TRPC1: variants seen among roughly 807,000 people sequenced by gnomAD.
TRPC1 encodes the protein transient receptor potential cation channel subfamily C member 1, also known as short transient receptor potential channel 1.
A neutral mutation model predicts 88.2 loss-of-function variants in TRPC1; 42 were observed. The ratio of observed to expected loss-of-function variants is 0.48; its 90% CI spans 0.37 to 0.62. TRPC1 has a LOEUF of 0.62. Among genes scored for constraint, TRPC1 ranks in the 20% least tolerant of loss-of-function variants. TRPC1 has a pLI of 0.00. For synonymous variants in TRPC1, 288 were observed against 331.8 expected, an observed-to-expected ratio of 0.87 and a Z score of 1.43; for missense variants, 699 against 957.3, an observed-to-expected ratio of 0.73 and a Z score of 3.56.
intron 3 of TRPC1, among the ~76,000 whole-genome samples, chr3:142,746,882 T>G (rs899964504): frequency 9.2e-5 from 14 of 152,000 alleles, no homozygotes; most frequent in Non-Finnish European, 2.9e-5. Flanking sequence ...GTCATGGCCT[T>G]TAGACCCATA....
chr3:142,787,883 G>A (rs2108132567), intron 7 of TRPC1, among the ~76,000 whole-genome samples: 1 of 152,272 alleles, frequency 6.6e-6, no homozygotes, highest in East Asian at 1.9e-4. Flanking sequence ...ATAAATAGAT[G>A]TCAACTGAGA....
intron 9 of TRPC1, among the ~76,000 whole-genome samples, chr3:142,797,324 C>A (rs1336169672): frequency 6.6e-6 from 1 of 151,936 alleles, no homozygotes; most frequent in African/African-American, 2.4e-5. Flanking sequence ...CTAGGGAAAT[C>A]TGCCGTATCA....
At chr3:142,787,574 GA>G (rs1215718556) in intron 7 of TRPC1, among the ~76,000 whole-genome samples, 1 of 152,180 alleles carries the variant, frequency 6.6e-6, no homozygotes, top group Admixed American at 6.5e-5. Flanking sequence ...AAACATAATA[GA>G]ATGGCTATTA....
At chr3:142,803,181 G>A (rs1357008439) in intron 10 of TRPC1, among the ~76,000 whole-genome samples, 1 of 152,168 alleles carries the variant, frequency 6.6e-6, no homozygotes, top group African/African-American at 2.4e-5. Flanking sequence ...GTGTCTGTGT[G>A]TCAGAGTTCA....
chr3:142,743,664 C>A, intron 3 of TRPC1, 78 bp downstream of exon 3: 1 of 850,472 alleles, frequency 1.2e-6, no homozygotes. Context: ...TTTTTTCCTT[C>A]CCTCAAATTT....
intron 1 of TRPC1, among the ~76,000 whole-genome samples, chr3:142,727,429 G>T (rs1244804666): frequency 6.6e-6 from 1 of 152,214 alleles, no homozygotes; most frequent in East Asian, 1.9e-4. Flanking sequence ...GATGTGTACA[G>T]ATTAAAGAGT....
rs1933567395 is a variant in TRPC1, at chr3:142,724,417, G to C, written c.-143G>C. On this transcript the variant is annotated 5_prime_UTR_variant, in exon 1 of 13. Transcript: ENST00000476941. This position sits in a 1 kb window ranked among gnomAD's most constrained non-coding sequence, Gnocchi z 5.6. ...TTCTCAGGGGAGGCGACGCCCTTCGGGGCCAACGGGCCTCGAGCCGAGGCA... is the reference window on the plus strand; with the variant it reads ...TTCTCAGGGGAGGCGACGCCCTTCGCGGCCAACGGGCCTCGAGCCGAGGCA... 1 of 743,618 alleles carries C rather than the reference G, an allele frequency of 1.3e-6. No individual in the cohort carries two copies. Among genetic ancestry groups the C allele is most frequent in the Non-Finnish European group, 2.0e-6 (1 of 502,710 alleles). 46.1% of individuals were successfully genotyped at this position (743,618 alleles called of 1,614,324 possible). A position where few individuals can be genotyped will look rare whatever the true frequency, so the allele number is the denominator to read the frequency against.
intron 4 of TRPC1, among the ~76,000 whole-genome samples, chr3:142,761,542 G>A (rs1935184488): frequency 6.6e-6 from 1 of 151,850 alleles, no homozygotes; most frequent in Non-Finnish European, 1.5e-5. Context: ...TTCTTTTTTT[G>A]TTGGTTCCTT....
chr3:142,753,100 A>G (rs78188712), intron 4 of TRPC1, among the ~76,000 whole-genome samples: 1,751 of 152,244 alleles, frequency 0.012, 34 homozygotes, highest in African/African-American at 0.039. Context: ...TTTTCAAATT[A>G]TATGCTTGTT....
Position 142,806,179 on chromosome 3 carries a change from A to G in TRPC1, c.2326A>G (p.Arg776Gly), listed in dbSNP as rs1328000340. The stretch of plus-strand genomic sequence containing the variant: ...TCTGTCAAAATTCCGAAATGAAATA[A>G]GGGATTTACTTGGCTTTCGGACTTC... ...QDLSKFRNEI[R>G]DLLGFRTSKY... Residue 776 changes from arginine (R) to glycine (G), a missense_variant, in exon 13 of 13, where the codon AGG becomes GGG. By Grantham distance (125) the Arg-to-Gly change is moderately radical (BLOSUM62 -2). Coordinates refer to ENST00000476941, the MANE Select transcript of TRPC1 (RefSeq NM_001251845.2). The G allele has an allele frequency of 3.1e-6, 5 of 1,613,586 alleles. No homozygotes were observed. The highest frequency in any genetic ancestry group is 4.2e-6 in the Non-Finnish European group (5 of 1,179,702).
intron 2 of TRPC1, among the ~76,000 whole-genome samples, chr3:142,741,492 T>A (rs1177749091): frequency 6.6e-6 from 1 of 152,238 alleles, no homozygotes; most frequent in African/African-American, 2.4e-5. Flanking sequence ...AACATGTTTG[T>A]CCTTACATTA....
intron 4 of TRPC1, among the ~76,000 whole-genome samples, chr3:142,753,975 T>C (rs1400412285): frequency 6.6e-6 from 1 of 151,008 alleles, no homozygotes; most frequent in Non-Finnish European, 1.5e-5. Context: ...GTCCCAGCTA[T>C]GCAGGAGGCT....
In TRPC1 at chr3:142,750,027, C is replaced by G. The variant is rs556951499; in HGVS notation, c.632+1567C>G. 4.6e-5 allele frequency among the ~76,000 whole-genome samples: 7 copies of G among 152,270 alleles called. No homozygotes were observed. The East Asian group carries it at 9.6e-4, about 21-fold the overall frequency. On this transcript the variant is annotated intron_variant, in intron 4 of 12. Coordinates refer to ENST00000476941, the MANE Select transcript of TRPC1 (RefSeq NM_001251845.2). ...ATAGGCATGGGCAAAGACTTCATGA[C>G]TAAAACACCAAAAGCAATGGCAGCG...
intron 4 of TRPC1, among the ~76,000 whole-genome samples, chr3:142,750,303 CAT>C (rs1216085863): frequency 3.9e-5 from 6 of 152,128 alleles, no homozygotes; most frequent in Admixed American, 2.6e-4. Flanking sequence ...GGCCAACAAA[CAT>C]ATGAAAAAAA....
At chr3:142,765,257 T>G (rs1406589870) in intron 4 of TRPC1, among the ~76,000 whole-genome samples, 1 of 152,092 alleles carries the variant, frequency 6.6e-6, no homozygotes, top group East Asian at 1.9e-4. Flanking sequence ...CCAAAGCAAT[T>G]TACAGATTCA....
At chr3:142,781,638 T>C (rs17624218) in intron 6 of TRPC1, among the ~76,000 whole-genome samples, 21,909 of 152,124 alleles carry the variant, frequency 0.14, 1,999 homozygotes, top group Middle Eastern at 0.26. Context: ...CTACTCCCCA[T>C]GCATACATAT....
intron 9 of TRPC1, among the ~76,000 whole-genome samples, chr3:142,798,579 G>A (rs906175879): frequency 6.6e-6 from 1 of 152,178 alleles, no homozygotes; most frequent in African/African-American, 2.4e-5. Context: ...GAAGCGTGGA[G>A]TCCTAAAGCA....
At chr3:142,769,343 T>A (rs2108091679) in intron 4 of TRPC1, among the ~76,000 whole-genome samples, 1 of 143,636 alleles carries the variant, frequency 7.0e-6, no homozygotes, top group South Asian at 2.1e-4. Context: ...TTTGAGATCT[T>A]TCTTCTTTCT....
At chr3:142,731,627 G>C (rs1000834216) in intron 1 of TRPC1, among the ~76,000 whole-genome samples, 2 of 151,442 alleles carry the variant, frequency 1.3e-5, no homozygotes, top group Non-Finnish European at 2.9e-5. Flanking sequence ...CTCATGATCC[G>C]CCTGCCTCAG....
Sources: gnomAD v4.1 joint callset for allele counts (sites outside exome capture counted in the v4.1 genomes callset) on GRCh38, gnomAD v4.1.1 for gene constraint, Gnocchi (gnomAD v3.1) non-coding constraint, MANE v1.5 for transcripts, NCBI Gene and HGNC (gene_info 2026-07-23, HGNC 2026-07-21) for gene names.